Variants in EML1 observed in about 807,000 individuals in gnomAD.
EML1 encodes echinoderm microtubule-associated protein-like 1.
In EML1, 27 loss-of-function variants were observed where a neutral mutation model predicts 110.4. The ratio of observed to expected loss-of-function variants is 0.24; its 90% CI spans 0.18 to 0.34. The LOEUF is 0.34. EML1 is among the 10% of genes least tolerant of loss of function. The pLI is 1.00. For missense variants in EML1, 741 were observed against 1,030.9 expected, an observed-to-expected ratio of 0.72 and a Z score of 3.85; for synonymous variants, 344 against 385.8, an observed-to-expected ratio of 0.89 and a Z score of 1.27.
chr14:99,793,784 T>G (rs2057716043), intron 1 of EML1, among the ~76,000 whole-genome samples: 1 of 146,278 alleles, frequency 6.8e-6, no homozygotes, highest in South Asian at 2.2e-4. Context: ...CTCCCGGCAC[T>G]GGCGCGCGGA....
At chr14:99,846,281 A>G (rs1249191073) in intron 1 of EML1, among the ~76,000 whole-genome samples, 1 of 109,998 alleles carries the variant, frequency 9.1e-6, no homozygotes, top group Admixed American at 1.0e-4. Context: ...CCAGCTGGTG[A>G]TTTTTTTTTT....
intron 1 of EML1, among the ~76,000 whole-genome samples, chr14:99,746,167 T>C (rs767314574): frequency 3.3e-5 from 5 of 152,046 alleles, no homozygotes; most frequent in Non-Finnish European, 7.4e-5. Flanking sequence ...TTTAGAGAAA[T>C]GGAGTGGCTT....
In EML1 at chr14:99,861,196, T is replaced by C. The variant is rs114470034; in HGVS notation, c.251-4318T>C. Among the ~76,000 whole-genome samples, 121 of 152,324 alleles carry C rather than the reference T, an allele frequency of 7.9e-4. 1 individual carries two copies. Among genetic ancestry groups the C allele is most frequent in the African/African-American group, 2.8e-3 (117 of 41,574 alleles). The stretch of plus-strand genomic sequence containing the variant: ...GTTCACTCCCTTCTGTGTGTAGGCC[T>C]GGGAGCAGGTACTAGCTTCAAGGAT... On this transcript the variant is annotated intron_variant, in intron 2 of 21. Coordinates refer to ENST00000262233, the MANE Select transcript of EML1 (RefSeq NM_004434.3).
chr14:99,822,056 C>T (rs540785165), intron 1 of EML1, among the ~76,000 whole-genome samples: 7 of 152,280 alleles, frequency 4.6e-5, no homozygotes, highest in Admixed American at 1.3e-4. Context: ...GGGATCCGAT[C>T]GGTTGCTCGT....
intron 1 of EML1, among the ~76,000 whole-genome samples, chr14:99,816,260 C>T (rs1292865205): frequency 6.6e-6 from 1 of 152,150 alleles, no homozygotes; most frequent in Non-Finnish European, 1.5e-5. Flanking sequence ...ACCTCCTGGG[C>T]TCAAGCGATT....
At chr14:99,914,061 A>G (rs928224637) in intron 13 of EML1, 118 bp from the exon 14 acceptor site, 56 of 1,209,052 alleles carry the variant, frequency 4.6e-5, no homozygotes, top group Non-Finnish European at 6.1e-5. Context: ...TACATTATAT[A>G]CATATGTGTA....
At chr14:99,933,420 C>G (rs1199077041) in intron 17 of EML1, among the ~76,000 whole-genome samples, 1 of 152,218 alleles carries the variant, frequency 6.6e-6, no homozygotes, top group Non-Finnish European at 1.5e-5. Flanking sequence ...AGGTGATCTG[C>G]CCACCTCAGC....
upstream of EML1, among the ~76,000 whole-genome samples, chr14:99,769,540 A>T (rs180699522): frequency 1.6e-4 from 24 of 152,318 alleles, no homozygotes; most frequent in Middle Eastern, 3.4e-3. Flanking sequence ...TTTAGAGCAG[A>T]CAGGTCAGTT....
chr14:99,911,268 G>A lies in EML1; in HGVS notation c.1340-154G>A, dbSNP rs181093332. Among the ~76,000 whole-genome samples, 8 of 152,208 alleles carry A rather than the reference G, an allele frequency of 5.3e-5. No individual in the cohort carries two copies. The South Asian group carries it at 8.3e-4, about 16-fold the overall frequency. ...ATTTCATGCTTGTCTGGTGCTCTGC[G>A]AACGTCTAGAAATTGGATCCTTCAT... On this transcript the variant is annotated intron_variant, in intron 12 of 21. Transcript: ENST00000262233.
At chr14:99,830,416 C>G (rs914248770) in intron 1 of EML1, among the ~76,000 whole-genome samples, 2 of 152,174 alleles carry the variant, frequency 1.3e-5, no homozygotes, top group Non-Finnish European at 2.9e-5. Context: ...TGGACCCTTC[C>G]TAATACCTGG....
At chr14:99,794,569 A>G (rs73354540) in intron 1 of EML1, among the ~76,000 whole-genome samples, 22,957 of 152,104 alleles carry the variant, frequency 0.15, 2,002 homozygotes, top group East Asian at 0.37. Flanking sequence ...GTAAAGAGTA[A>G]TGAGTGTGTT....
At position 99,908,790 on chromosome 14, in the gene EML1, C is replaced by A. The variant is rs140679065; in HGVS notation, c.1105-555C>A. On this transcript the variant is annotated intron_variant, in intron 10 of 21. Transcript: ENST00000262233. Reference sequence around the variant, plus strand: ...CACAGGCAGAGTCCCAGGAGTCAATCGCAGGAGGAACTCCCTGGGGAAACG... The same window carrying A: ...CACAGGCAGAGTCCCAGGAGTCAATAGCAGGAGGAACTCCCTGGGGAAACG... Among the ~76,000 whole-genome samples the A allele has an allele frequency of 2.3e-4, 35 of 152,308 alleles. 1 individual carries two copies. Among genetic ancestry groups the A allele is most frequent in the African/African-American group, 7.9e-4 (33 of 41,562 alleles).
chr14:99,819,659 G>A (rs944491973), intron 1 of EML1, among the ~76,000 whole-genome samples: 4 of 152,170 alleles, frequency 2.6e-5, no homozygotes, highest in Non-Finnish European at 5.9e-5. Context: ...GTTCACTCTC[G>A]TCTTAGAGCT....
At chr14:99,898,393 A>G (rs2059705988) in intron 8 of EML1, 91 bp downstream of exon 8, 5 of 1,246,196 alleles carry the variant, frequency 4.0e-6, no homozygotes, top group Non-Finnish European at 5.5e-6. Flanking sequence ...AAGGCTGCTT[A>G]GATATAATTA....
At chr14:99,850,765 G>T (rs757498465) in intron 1 of EML1, 88 bp from the exon 2 acceptor site, 138 of 1,417,416 alleles carry the variant, frequency 9.7e-5, no homozygotes, top group Non-Finnish European at 1.3e-4. Flanking sequence ...AAAACAATGG[G>T]CTTAAAACAG....
chr14:99,851,098 GCAAACA>G (rs2058790834), intron 2 of EML1, 63 bp downstream of exon 2: 1 of 1,530,532 alleles, frequency 6.5e-7, no homozygotes, highest in Non-Finnish European at 8.9e-7. Flanking sequence ...TCTTGCTCTA[GCAAACA>G]CATTGTGCTC....
At chr14:99,742,920 A>T (rs914688457) in intron 1 of EML1, among the ~76,000 whole-genome samples, 1 of 152,154 alleles carries the variant, frequency 6.6e-6, no homozygotes, top group Non-Finnish European at 1.5e-5. Flanking sequence ...TGAACCTTTG[A>T]ACAGCACCGC....
intron 1 of EML1, among the ~76,000 whole-genome samples, chr14:99,795,754 A>G (rs541160647): frequency 6.6e-6 from 1 of 152,374 alleles, no homozygotes; most frequent in East Asian, 1.9e-4. Flanking sequence ...GACTTACATT[A>G]CAATGGCAAG....
In EML1 at chr14:99,828,417, A is replaced by T. The variant is rs147187103; in HGVS notation, c.68-22436A>T. Among the ~76,000 whole-genome samples, 911 of 152,314 alleles carry T rather than the reference A, an allele frequency of 6.0e-3. 8 individuals carry two copies. Among genetic ancestry groups the T allele is most frequent in the African/African-American group, 0.021 (853 of 41,572 alleles). On this transcript the variant is annotated intron_variant, in intron 1 of 21. Transcript: ENST00000262233. ...GAGTCTCCGTTATCAAATGACTATC[A>T]TGGTATCACAGTTCTTGTATTCAAG... is the stretch of plus-strand genomic sequence containing the variant.
Sources: gnomAD v4.1 joint callset for allele counts (sites outside exome capture counted in the v4.1 genomes callset) on GRCh38, gnomAD v4.1.1 for gene constraint, MANE v1.5 for transcripts, NCBI Gene and HGNC (gene_info 2026-07-23, HGNC 2026-07-21) for gene names.